The following HVCN1 variants were observed in gnomAD, a reference collection of about 807,000 sequenced individuals.
The protein encoded by HVCN1 is hydrogen voltage gated channel 1.
In HVCN1, 14 loss-of-function variants were observed where a neutral mutation model predicts 29.2. The ratio of observed to expected loss-of-function variants is 0.48; its 90% CI spans 0.32 to 0.75. The LOEUF is 0.75. HVCN1 is among the 30% of genes least tolerant of loss of function. HVCN1 has a pLI of 0.04. For missense variants in HVCN1, 263 were observed against 341.8 expected, an observed-to-expected ratio of 0.77 and a Z score of 1.82; for synonymous variants, 131 against 133.2, an observed-to-expected ratio of 0.98 and a Z score of 0.11.
intron 3 of HVCN1, among the ~76,000 whole-genome samples, chr12:110,680,620 TA>T (rs2068931851): frequency 1.3e-5 from 2 of 152,200 alleles, no homozygotes. Flanking sequence ...TTTACAATTA[TA>T]ATCAAAGACA....
chr12:110,650,370 G>A (rs2067746811), intron 6 of HVCN1, 90 bp from the exon 7 acceptor site: 2 of 768,070 alleles, frequency 2.6e-6, no homozygotes, highest in Non-Finnish European at 4.5e-6. Flanking sequence ...TATAGAGTTT[G>A]GAGGAGTGGT....
At chr12:110,704,813 G>T (rs2136519502) in intron 1 of HVCN1, 1 of 152,396 alleles carries the variant, frequency 6.6e-6, no homozygotes, top group East Asian at 1.9e-4. Context: ...TCAGGGATGG[G>T]GCCCTGCCAT....
intron 2 of HVCN1, among the ~76,000 whole-genome samples, chr12:110,700,690 T>A (rs1393978368): frequency 6.6e-6 from 1 of 152,144 alleles, no homozygotes; most frequent in Non-Finnish European, 1.5e-5. Context: ...CCTCCTGGGC[T>A]CAAGTGATCC....
At chr12:110,697,406 C>T (rs2069509573) in intron 2 of HVCN1, among the ~76,000 whole-genome samples, 1 of 151,962 alleles carries the variant, frequency 6.6e-6, no homozygotes, top group Admixed American at 6.6e-5. Context: ...TCCTGGAAAC[C>T]AAAAGAGGAG....
intron 3 of HVCN1, among the ~76,000 whole-genome samples, chr12:110,681,001 G>C (rs771177039): frequency 6.6e-6 from 1 of 152,092 alleles, no homozygotes; most frequent in Non-Finnish European, 1.5e-5. Flanking sequence ...CGTCAGATTC[G>C]CACCTGTTCA....
At chr12:110,692,188 C>A (rs1042463933), upstream of HVCN1, among the ~76,000 whole-genome samples, 2 of 152,106 alleles carry the variant, frequency 1.3e-5, no homozygotes, top group African/African-American at 4.8e-5. Context: ...CAACATTTCA[C>A]TGATGAGCTC....
At chr12:110,679,839 G>A (rs1438304812) in intron 3 of HVCN1, among the ~76,000 whole-genome samples, 3 of 149,842 alleles carry the variant, frequency 2.0e-5, no homozygotes, top group Non-Finnish European at 3.0e-5. Context: ...CGGCCTGGGC[G>A]ACAGAGCGAG....
intron 3 of HVCN1, among the ~76,000 whole-genome samples, chr12:110,673,978 C>T (rs2068666233): frequency 6.6e-6 from 1 of 152,226 alleles, no homozygotes; most frequent in African/African-American, 2.4e-5. Flanking sequence ...GTCCTCCAGA[C>T]CCCAGAATGG....
At chr12:110,659,426 T>C (rs2068091705) in intron 4 of HVCN1, among the ~76,000 whole-genome samples, 1 of 152,210 alleles carries the variant, frequency 6.6e-6, no homozygotes, top group African/African-American at 2.4e-5. Context: ...TCTATTTTGT[T>C]TGGGGACACC....
intron 2 of HVCN1, among the ~76,000 whole-genome samples, chr12:110,686,270 C>T (rs1025812399): frequency 6.6e-6 from 1 of 152,104 alleles, no homozygotes; most frequent in South Asian, 2.1e-4. Context: ...TCCTAAAGTG[C>T]TGGAATTACA....
intron 3 of HVCN1, among the ~76,000 whole-genome samples, chr12:110,678,627 T>G (rs1330878912): frequency 6.6e-6 from 1 of 151,956 alleles, no homozygotes; most frequent in Non-Finnish European, 1.5e-5. Flanking sequence ...ATTTTTTGTA[T>G]TTTTAATAGA....
At chr12:110,693,051 T>A (rs1038775854), upstream of HVCN1, among the ~76,000 whole-genome samples, 2 of 152,058 alleles carry the variant, frequency 1.3e-5, no homozygotes, top group Non-Finnish European at 2.9e-5. Flanking sequence ...TTATTTATTT[T>A]TATTTTTTGT....
intron 3 of HVCN1, among the ~76,000 whole-genome samples, chr12:110,667,987 C>T (rs1340317878): frequency 2.0e-5 from 3 of 152,188 alleles, no homozygotes; most frequent in African/African-American, 7.2e-5. Flanking sequence ...AGCAGAAAAG[C>T]TCCAGAAAAG....
At chr12:110,664,120 A>G (rs1048561426) in intron 3 of HVCN1, among the ~76,000 whole-genome samples, 1 of 152,218 alleles carries the variant, frequency 6.6e-6, no homozygotes, top group East Asian at 1.9e-4. Context: ...GGGTCTTGCT[A>G]TGTTACCCAG....
chr12:110,692,459 C>T (rs939361396), upstream of HVCN1, among the ~76,000 whole-genome samples: 4 of 152,182 alleles, frequency 2.6e-5, no homozygotes, highest in African/African-American at 9.7e-5. Flanking sequence ...GTGGCTCACA[C>T]CTGTAGTCTG....
intron 3 of HVCN1, among the ~76,000 whole-genome samples, chr12:110,678,754 A>G (rs757185006): frequency 6.6e-6 from 1 of 151,838 alleles, no homozygotes; most frequent in Admixed American, 6.6e-5. Context: ...ACCTAGCCCT[A>G]TTTCATTTCT....
At chr12:110,681,186 A>G (rs753067778) in intron 3 of HVCN1, among the ~76,000 whole-genome samples, 1 of 152,272 alleles carries the variant, frequency 6.6e-6, no homozygotes, top group East Asian at 1.9e-4. Context: ...GTTACTTTTT[A>G]TCACAGTAAA....
upstream of HVCN1, among the ~76,000 whole-genome samples, chr12:110,694,591 T>G (rs773312283): frequency 5.9e-5 from 9 of 152,088 alleles, no homozygotes; most frequent in Non-Finnish European, 1.0e-4. This position sits in a 1 kb window ranked among gnomAD's most constrained non-coding sequence, Gnocchi z 4.6. Flanking sequence ...TGGTAGAGTG[T>G]GAGAAAATGG....
intron 2 of HVCN1, among the ~76,000 whole-genome samples, chr12:110,683,466 CA>C (rs1305128800): frequency 6.6e-6 from 1 of 152,112 alleles, no homozygotes; most frequent in African/African-American, 2.4e-5. Context: ...GGGACTCAAA[CA>C]AATACTTATT....
Sources: allele counts gnomAD v4.1 joint callset (sites outside exome capture counted in the v4.1 genomes callset), GRCh38; gene constraint gnomAD v4.1.1; non-coding constraint Gnocchi (gnomAD v3.1); transcripts MANE v1.5; gene names NCBI Gene and HGNC (gene_info 2026-07-23, HGNC 2026-07-21).